Variants in CIMIP2A observed in about 807,000 individuals in gnomAD.
CIMIP2A encodes ciliary microtubule inner protein 2A.
the CIMIP2A span, among the ~76,000 whole-genome samples, chr9:137,246,941 TG>T: frequency 6.6e-6 from 1 of 151,966 alleles, no homozygotes; most frequent in African/African-American, 2.4e-5. Context: ...ATTTTTTGTT[TG>T]GGGGGATATC....
chr9:137,245,028 C>G, the CIMIP2A span: 2 of 1,610,550 alleles, frequency 1.2e-6, no homozygotes, highest in Non-Finnish European at 1.7e-6. Context: ...GGGGCTCTCA[C>G]ACTGCAAGAA....
the CIMIP2A span, chr9:137,251,930 T>C: frequency 1.3e-6 from 2 of 1,599,004 alleles, no homozygotes; most frequent in Admixed American, 1.7e-5. Context: ...ACCCCCAAGC[T>C]GGTCTTTGGG....
the CIMIP2A span, among the ~76,000 whole-genome samples, chr9:137,246,078 A>G: frequency 3.7e-4 from 57 of 152,328 alleles, no homozygotes; most frequent in South Asian, 9.3e-3. Flanking sequence ...TGCTGGGAAC[A>G]CGTCAGCACC....
chr9:137,251,464 G>T, the CIMIP2A span: 4 of 1,262,200 alleles, frequency 3.2e-6, no homozygotes, highest in Middle Eastern at 2.2e-4. Flanking sequence ...GGGACAGTGT[G>T]GGGGGCAGGT....
At chr9:137,252,082 G>T in the CIMIP2A span, 1 of 1,612,732 alleles carries the variant, frequency 6.2e-7, no homozygotes, top group Non-Finnish European at 8.5e-7. Flanking sequence ...CCGTCCGTAC[G>T]AGAGTCCTCC....
At chr9:137,243,710 T>A in the CIMIP2A span, 1 of 1,614,124 alleles carries the variant, frequency 6.2e-7, no homozygotes, top group Non-Finnish European at 8.5e-7. Flanking sequence ...TCATAGTGTG[T>A]GGTTTCGCTT....
the CIMIP2A span, chr9:137,245,437 G>T: frequency 1.9e-6 from 3 of 1,613,872 alleles, no homozygotes; most frequent in Non-Finnish European, 2.5e-6. Flanking sequence ...GGTGTCGGGC[G>T]TGAAGCCTGC....
chr9:137,253,544 G>T, the CIMIP2A span: 3 of 1,367,812 alleles, frequency 2.2e-6, no homozygotes, highest in East Asian at 5.4e-5. Context: ...TATGGCTGCC[G>T]CTGGGTCATT....
chr9:137,243,708 T>C, the CIMIP2A span: 1 of 1,614,132 alleles, frequency 6.2e-7, no homozygotes, highest in East Asian at 2.2e-5. Context: ...TTTCATAGTG[T>C]GTGGTTTCGC....
At chr9:137,254,793 G>A in the CIMIP2A span, among the ~76,000 whole-genome samples, 1 of 151,810 alleles carries the variant, frequency 6.6e-6, no homozygotes, top group African/African-American at 2.4e-5. Flanking sequence ...GCCTCCCGGT[G>A]CCTGGGAGGG....
the CIMIP2A span, chr9:137,245,918 C>T: frequency 3.8e-6 from 5 of 1,318,940 alleles, no homozygotes; most frequent in Non-Finnish European, 5.0e-6. Context: ...GGCAGGGCCC[C>T]TTCAAGCCAG....
the CIMIP2A span, chr9:137,244,346 AGTT>A: frequency 6.2e-7 from 1 of 1,608,586 alleles, no homozygotes; most frequent in Non-Finnish European, 8.5e-7. Context: ...CAGATAGTCA[AGTT>A]GTCCCAGTGG....
At chr9:137,252,392 T>C in the CIMIP2A span, 1 of 1,577,030 alleles carries the variant, frequency 6.3e-7, no homozygotes, top group Admixed American at 1.8e-5. Context: ...GACTGTCACC[T>C]GGGTGGGGCT....
the CIMIP2A span, chr9:137,245,472 G>A: frequency 1.9e-6 from 3 of 1,613,896 alleles, no homozygotes; most frequent in Non-Finnish European, 2.5e-6. Flanking sequence ...GTCTGGGTAT[G>A]TTCTCTACCC....
At chr9:137,244,212 C>T in the CIMIP2A span, 1 of 1,613,934 alleles carries the variant, frequency 6.2e-7, no homozygotes. Flanking sequence ...GCCTTGGCTG[C>T]TGTAGATGTG....
At chr9:137,249,784 C>G in the CIMIP2A span, among the ~76,000 whole-genome samples, 1 of 152,230 alleles carries the variant, frequency 6.6e-6, no homozygotes, top group African/African-American at 2.4e-5. Context: ...GTGCCTCTCT[C>G]TACGCTTCTT....
the CIMIP2A span, chr9:137,243,830 C>T: frequency 9.4e-6 from 15 of 1,601,922 alleles, no homozygotes; most frequent in African/African-American, 4.0e-5. Flanking sequence ...CTTATGTGCC[C>T]AGGACCAGCA....
the CIMIP2A span, chr9:137,247,670 A>T: frequency 6.2e-7 from 1 of 1,613,224 alleles, no homozygotes; most frequent in South Asian, 1.1e-5. Context: ...CCAGGGACAT[A>T]GTGAGGCTCC....
chr9:137,244,843 G>A, the CIMIP2A span: 175 of 1,567,628 alleles, frequency 1.1e-4, no homozygotes, highest in Middle Eastern at 1.7e-4. Flanking sequence ...GCTCCCTTTC[G>A]TTCCCTGAAC....
Sources: allele counts gnomAD v4.1 joint callset (sites outside exome capture counted in the v4.1 genomes callset), GRCh38; gene constraint gnomAD v4.1.1; transcripts MANE v1.5; gene names NCBI Gene and HGNC (gene_info 2026-07-23, HGNC 2026-07-21).